UGCG: variants seen among roughly 807,000 people sequenced by gnomAD.
The protein encoded by UGCG is ceramide glucosyltransferase.
UGCG carries 10 observed loss-of-function variants against 49.5 expected under a neutral mutation model. The ratio of observed to expected loss-of-function variants is 0.20; its 90% CI spans 0.12 to 0.34. The LOEUF (loss-of-function observed/expected upper bound fraction) is 0.34, where lower values mean the gene tolerates loss of function less well. Among genes scored for constraint, UGCG ranks in the 10% least tolerant of loss-of-function variants. The pLI is 1.00. For missense variants in UGCG, 312 were observed against 483.7 expected (o/e 0.65, Z 3.33); for synonymous variants, 182 against 158.2 (o/e 1.15, Z -1.13).
intron 2 of UGCG, among the ~76,000 whole-genome samples, chr9:111,917,563 G>A (rs776019539): frequency 6.6e-6 from 1 of 152,122 alleles, no homozygotes; most frequent in Admixed American, 6.5e-5. Flanking sequence ...TCTAATATTC[G>A]ATTGGGACTA....
chr9:111,897,081 C>G lies in UGCG; in HGVS notation c.-135C>G. The G allele has an allele frequency of 3.5e-6, 2 of 577,230 alleles. No individual in the cohort carries two copies. The highest frequency in any genetic ancestry group is 7.0e-5 in the East Asian group (2 of 28,512). The allele number at this position is 577,230 out of a possible 1,614,324, so 35.8% of individuals were successfully genotyped here. On this transcript the variant is annotated 5_prime_UTR_variant, in exon 1 of 9. Transcript: ENST00000374279. ...GCCCGCCCCTTCCGTCCCCACCCCC[C>G]TCCGCCCTTTCCTCTCCCCACCTTC...
intron 1 of UGCG, among the ~76,000 whole-genome samples, chr9:111,903,936 A>G (rs746523177): frequency 4.6e-5 from 7 of 152,034 alleles, no homozygotes; most frequent in South Asian, 2.1e-4. Flanking sequence ...TGACTGCACT[A>G]TGGAGTCACA....
At chr9:111,917,177 T>A (rs190469736) in intron 2 of UGCG, among the ~76,000 whole-genome samples, 2 of 152,232 alleles carry the variant, frequency 1.3e-5, no homozygotes, top group Non-Finnish European at 2.9e-5. Flanking sequence ...TATTTTATTC[T>A]TTGTTAGTAC....
chr9:111,916,281 T>C (rs770286080), intron 2 of UGCG, among the ~76,000 whole-genome samples: 1 of 152,214 alleles, frequency 6.6e-6, no homozygotes, highest in East Asian at 1.9e-4. Flanking sequence ...TAGAGTCATA[T>C]GCATTATCAT....
chr9:111,925,042 A>AT (rs914924970), intron 4 of UGCG, among the ~76,000 whole-genome samples, 164 bp downstream of exon 4: 13 of 152,226 alleles, frequency 8.5e-5, no homozygotes, highest in East Asian at 7.7e-4. Flanking sequence ...TAAGATTTTG[A>AT]TTTTTTTAAT....
intron 1 of UGCG, among the ~76,000 whole-genome samples, chr9:111,912,399 G>A (rs1838027209): frequency 6.6e-6 from 1 of 151,948 alleles, no homozygotes; most frequent in African/African-American, 2.4e-5. Context: ...CCAACATGGT[G>A]AAACCCTGTG....
intron 5 of UGCG, among the ~76,000 whole-genome samples, chr9:111,927,601 G>A (rs1239506594): frequency 3.3e-5 from 5 of 152,120 alleles, no homozygotes; most frequent in East Asian, 1.9e-4. Context: ...ACAGGTGCCC[G>A]CCACCATGCC....
At position 111,904,197 on chromosome 9, in the gene UGCG, C is replaced by A. The variant is rs114498897; in HGVS notation, c.98+6884C>A. Among the ~76,000 whole-genome samples the A allele has an allele frequency of 2.6e-3, 395 of 152,348 alleles. 1 individual carries two copies. The highest frequency in any genetic ancestry group is 8.5e-3 in the African/African-American group (355 of 41,574). The stretch of plus-strand genomic sequence containing the variant: ...TTCATTATCTTGCCTCTTGCCTCAC[C>A]TCGTATCAGTCTGCCCTGTTATCTT... On this transcript the variant is annotated intron_variant, in intron 1 of 8. Coordinates refer to ENST00000374279, the MANE Select transcript of UGCG (RefSeq NM_003358.3).
chr9:111,921,150 A>G (rs1838215469), intron 2 of UGCG, among the ~76,000 whole-genome samples: 1 of 151,654 alleles, frequency 6.6e-6, no homozygotes, highest in South Asian at 2.1e-4. Flanking sequence ...GTGATCCACC[A>G]GCCTTGGCTT....
intron 1 of UGCG, among the ~76,000 whole-genome samples, chr9:111,911,676 T>C (rs6477859): frequency 0.3 from 46,051 of 151,400 alleles, 7,286 homozygotes; most frequent in Admixed American, 0.4. Flanking sequence ...GGCAGGAGGA[T>C]TCTTTGAGCC....
chr9:111,924,202 T>A (rs1322979386), intron 3 of UGCG, among the ~76,000 whole-genome samples: 1 of 152,252 alleles, frequency 6.6e-6, no homozygotes, highest in African/African-American at 2.4e-5. Context: ...CCCTTAGGAT[T>A]ATTTTTTAAA....
In UGCG at chr9:111,934,760, G is replaced by A. The variant is rs1474703569; in HGVS notation, c.*1763G>A. The A allele has an allele frequency of 2.1e-5, 3 of 145,306 alleles. No individual in the cohort carries two copies. The highest frequency in any genetic ancestry group is 4.5e-5 in the Non-Finnish European group (3 of 66,202). 9.0% of individuals were successfully genotyped at this position (145,306 alleles called of 1,614,324 possible). Reference sequence around the variant, plus strand: ...TTTTAGCCTTATGATGAATTTGTTTGAAGGGCATTTTCTTTATGAACAAAG... The same window carrying A: ...TTTTAGCCTTATGATGAATTTGTTTAAAGGGCATTTTCTTTATGAACAAAG... On this transcript the variant is annotated 3_prime_UTR_variant, in exon 9 of 9. Coordinates refer to ENST00000374279, the MANE Select transcript of UGCG (RefSeq NM_003358.3).
At chr9:111,923,010 T>G in intron 3 of UGCG, 59 bp downstream of exon 3, 1 of 1,140,780 alleles carries the variant, frequency 8.8e-7, no homozygotes, top group Non-Finnish European at 1.3e-6. Context: ...ATCAGTAATC[T>G]CTGCATTGAA....
chr9:111,921,525 G>A (rs1194774394), intron 2 of UGCG, among the ~76,000 whole-genome samples: 1 of 151,676 alleles, frequency 6.6e-6, no homozygotes, highest in Non-Finnish European at 1.5e-5. Context: ...GGCATCTGTA[G>A]TCCCAGCTAC....
At chr9:111,900,612 C>A (rs1837750333) in intron 1 of UGCG, among the ~76,000 whole-genome samples, 1 of 152,102 alleles carries the variant, frequency 6.6e-6, no homozygotes. Context: ...CCTGCTTCAG[C>A]TTCCTAAGTA....
chr9:111,904,751 A>G (rs1589517757), intron 1 of UGCG, among the ~76,000 whole-genome samples: 1 of 151,826 alleles, frequency 6.6e-6, no homozygotes, highest in Non-Finnish European at 1.5e-5. Context: ...AATCCCAGCT[A>G]CTCCGGAGGC....
intron 2 of UGCG, among the ~76,000 whole-genome samples, chr9:111,921,828 T>TTTTTTTTTTTTG (rs1838227949): frequency 1.5e-5 from 2 of 134,298 alleles, no homozygotes; most frequent in Admixed American, 7.5e-5. Flanking sequence ...TTTTTTTTTT[T>TTTTTTTTTTTTG]GAGGCAGGGT....
Position 111,897,097 on chromosome 9 carries a change from C to A in UGCG, c.-119C>A, listed in dbSNP as rs1368360000. The A allele has an allele frequency of 8.5e-6, 4 of 470,238 alleles. No individual in the cohort carries two copies. The highest frequency in any genetic ancestry group is 1.4e-5 in the Non-Finnish European group (4 of 281,812). The allele number at this position is 470,238 out of a possible 1,614,324, so 29.1% of individuals were successfully genotyped here. A position where few individuals can be genotyped will look rare whatever the true frequency, so the allele number is the denominator to read the frequency against. ...CCCACCCCCCTCCGCCCTTTCCTCT[C>A]CCCACCTTCCTCTCGCCTCCCGCGC... is the stretch of plus-strand genomic sequence containing the variant. On this transcript the variant is annotated 5_prime_UTR_variant, in exon 1 of 9. Coordinates refer to ENST00000374279, the MANE Select transcript of UGCG (RefSeq NM_003358.3).
At position 111,926,861 on chromosome 9, in the gene UGCG, CTTTTTTTTTTTTTT is replaced by C. The variant is rs56298523; in HGVS notation, c.558+381_558+394del. ...GAACCGCTGGCCCCCTCCCCCCAGC[CTTTTTTTTTTTTTT>C]TTTTTTTTTTTTTTTGCGACAGAGC... On this transcript the variant is annotated intron_variant, in intron 5 of 8. Coordinates refer to ENST00000374279, the MANE Select transcript of UGCG (RefSeq NM_003358.3). Among the ~76,000 whole-genome samples the C allele has an allele frequency of 1.6e-4, 9 of 56,872 alleles. No individual in the cohort carries two copies. In the East Asian group the frequency reaches 1.8e-3, roughly 11 times the overall value. 37.3% of individuals were successfully genotyped at this position (56,872 alleles called of 152,430 possible). A position where few individuals can be genotyped will look rare whatever the true frequency, so the allele number is the denominator to read the frequency against.
Sources: gnomAD v4.1 joint callset for allele counts (sites outside exome capture counted in the v4.1 genomes callset) on GRCh38, gnomAD v4.1.1 for gene constraint, MANE v1.5 for transcripts, NCBI Gene and HGNC (gene_info 2026-07-23, HGNC 2026-07-21) for gene names.